Variants in SNTG1 observed in about 807,000 individuals in gnomAD.
SNTG1 encodes gamma-1-syntrophin.
A neutral mutation model predicts 74.7 loss-of-function variants in SNTG1; 39 were observed. The observed-to-expected ratio is 0.52, with a 90% confidence interval of 0.40 to 0.68. The LOEUF is 0.68. SNTG1 is among the 30% of genes least tolerant of loss of function. The probability of loss-of-function intolerance (pLI) is 0.00; values close to 1 mark genes in which losing one functional copy is unlikely to be tolerated. For missense variants in SNTG1, 685 were observed against 609.5 expected (o/e 1.12, Z -1.30); for synonymous variants, 254 against 217.1 (o/e 1.17, Z -1.49).
At chr8:50,242,917 C>G (rs1010571620) in intron 2 of SNTG1, among the ~76,000 whole-genome samples, 15 of 151,904 alleles carry the variant, frequency 9.9e-5, no homozygotes, top group African/African-American at 3.4e-4. Context: ...AATAGCATTG[C>G]ATAGAAATCA....
At chr8:50,250,138 G>C (rs1307734199) in intron 2 of SNTG1, among the ~76,000 whole-genome samples, 1 of 151,626 alleles carries the variant, frequency 6.6e-6, no homozygotes, top group East Asian at 1.9e-4. Flanking sequence ...ATAAAAAACA[G>C]AATTGTTGGA....
At chr8:50,348,196 A>T (rs79277225) in intron 2 of SNTG1, among the ~76,000 whole-genome samples, 7,972 of 152,306 alleles carry the variant, frequency 0.052, 241 homozygotes, top group Middle Eastern at 0.11. Flanking sequence ...CAAAAGAAAT[A>T]GCAACTCAGA....
rs552741741 is a variant in SNTG1, at chr8:50,064,118, T to C, written c.-102-108443T>C. Among the ~76,000 whole-genome samples the C allele has an allele frequency of 5.0e-4, 76 of 152,304 alleles. 1 individual carries two copies. In the South Asian group the frequency reaches 0.016, roughly 32 times the overall value. On this transcript the variant is annotated intron_variant, in intron 1 of 18. Transcript: ENST00000642720. The stretch of plus-strand genomic sequence containing the variant: ...ATAAGATTAAATATGGAAATACACA[T>C]AAAGTAACCTACACAGTGCTTGGCA...
intron 2 of SNTG1, among the ~76,000 whole-genome samples, chr8:50,222,767 C>T (rs2085135291): frequency 6.6e-6 from 1 of 152,170 alleles, no homozygotes; most frequent in Admixed American, 6.5e-5. Flanking sequence ...ACAGCATCTC[C>T]AGCACCAAAA....
intron 2 of SNTG1, among the ~76,000 whole-genome samples, chr8:50,223,808 C>T (rs535431970): frequency 6.6e-6 from 1 of 152,000 alleles, no homozygotes; most frequent in South Asian, 2.1e-4. Flanking sequence ...AGGAACATGA[C>T]AAAAATGTTT....
chr8:50,618,623 G>A (rs1449730882), intron 13 of SNTG1, among the ~76,000 whole-genome samples: 1 of 152,190 alleles, frequency 6.6e-6, no homozygotes, highest in Non-Finnish European at 1.5e-5. Flanking sequence ...TTGTCAGACT[G>A]TATTCTCATC....
At chr8:50,791,646 AATTAT>A (rs1197631750) in intron 18 of SNTG1, among the ~76,000 whole-genome samples, 7 of 151,990 alleles carry the variant, frequency 4.6e-5, no homozygotes, top group African/African-American at 1.7e-4. Context: ...TGTACATATC[AATTAT>A]AATTCTAAAT....
chr8:50,383,390 A>C (rs928322719), intron 2 of SNTG1, among the ~76,000 whole-genome samples: 2 of 152,218 alleles, frequency 1.3e-5, no homozygotes, highest in Admixed American at 6.5e-5. Flanking sequence ...TTAGATGATA[A>C]GGGAATAAAG....
intron 1 of SNTG1, among the ~76,000 whole-genome samples, chr8:49,938,092 A>G (rs911134816): frequency 2.0e-5 from 3 of 152,132 alleles, no homozygotes; most frequent in African/African-American, 7.2e-5. Flanking sequence ...AATCCATGCC[A>G]TGCCACTCTG....
At chr8:50,282,247 A>T (rs1456748387) in intron 2 of SNTG1, among the ~76,000 whole-genome samples, 1 of 152,072 alleles carries the variant, frequency 6.6e-6, no homozygotes, top group Non-Finnish European at 1.5e-5. Context: ...CACACAGAAA[A>T]TTTCTGAGCC....
intron 15 of SNTG1, among the ~76,000 whole-genome samples, chr8:50,668,258 C>T (rs2095260102): frequency 6.6e-6 from 1 of 151,700 alleles, no homozygotes; most frequent in African/African-American, 2.4e-5. Flanking sequence ...ATAAATTCCC[C>T]ATCTGTTATA....
intron 2 of SNTG1, among the ~76,000 whole-genome samples, chr8:50,327,898 A>C (rs972586988): frequency 8.5e-5 from 13 of 152,168 alleles, no homozygotes; most frequent in Non-Finnish European, 1.3e-4. Flanking sequence ...AGCAACTTCA[A>C]ATAACTACTT....
chr8:50,090,435 G>T (rs1037485270), intron 1 of SNTG1, among the ~76,000 whole-genome samples: 11 of 152,128 alleles, frequency 7.2e-5, no homozygotes, highest in African/African-American at 2.7e-4. Context: ...CTTCATGGTG[G>T]TAAGATAGCT....
At chr8:50,540,207 T>C (rs1347286812) in intron 11 of SNTG1, among the ~76,000 whole-genome samples, 1 of 152,238 alleles carries the variant, frequency 6.6e-6, no homozygotes, top group Non-Finnish European at 1.5e-5. Context: ...GTATTGATAT[T>C]CATGTATTTT....
intron 17 of SNTG1, among the ~76,000 whole-genome samples, chr8:50,710,759 G>C (rs931276215): frequency 2.6e-5 from 4 of 152,156 alleles, no homozygotes; most frequent in Non-Finnish European, 5.9e-5. Context: ...CTGGGAACGA[G>C]TGCGTAGTCA....
At chr8:50,414,925 G>A (rs2092996119) in intron 4 of SNTG1, among the ~76,000 whole-genome samples, 2 of 152,146 alleles carry the variant, frequency 1.3e-5, no homozygotes, top group South Asian at 4.1e-4. Context: ...ATAGTTCACT[G>A]TGGCAAAATT....
chr8:50,599,988 T>C (rs2094760858), intron 13 of SNTG1, among the ~76,000 whole-genome samples: 1 of 152,136 alleles, frequency 6.6e-6, no homozygotes, highest in African/African-American at 2.4e-5. Context: ...GTTCCTTGTA[T>C]TCCCGGTATT....
chr8:50,293,894 T>A (rs1331795431), intron 2 of SNTG1, among the ~76,000 whole-genome samples: 1 of 152,124 alleles, frequency 6.6e-6, no homozygotes, highest in Non-Finnish European at 1.5e-5. Context: ...AAAAATATCT[T>A]CAGAAATAAT....
At chr8:50,587,228 G>A (rs1170818960) in intron 12 of SNTG1, among the ~76,000 whole-genome samples, 1 of 150,234 alleles carries the variant, frequency 6.7e-6, no homozygotes, top group South Asian at 2.1e-4. Flanking sequence ...ATATATGTAG[G>A]TATATATGTA....
Sources: allele counts gnomAD v4.1 joint callset (sites outside exome capture counted in the v4.1 genomes callset), GRCh38; gene constraint gnomAD v4.1.1; transcripts MANE v1.5; gene names NCBI Gene and HGNC (gene_info 2026-07-23, HGNC 2026-07-21).